THSD4: variants seen among roughly 807,000 people sequenced by gnomAD.
The protein encoded by THSD4 is thrombospondin type 1 domain containing 4.
Under a neutral mutation model 119.0 loss-of-function variants are expected in THSD4, and 69 were observed. The ratio of observed to expected loss-of-function variants is 0.58; its 90% CI spans 0.48 to 0.71. THSD4 has a LOEUF of 0.71. Ranked by LOEUF, THSD4 falls within the 30% of genes least tolerant of loss-of-function variation. THSD4 has a pLI of 0.00. For synonymous variants in THSD4, 524 were observed against 540.4 expected (o/e 0.97, Z 0.42); for missense variants, 1,393 against 1,391.1 (o/e 1.00, Z -0.02).
intron 14 of THSD4, among the ~76,000 whole-genome samples, chr15:71,757,242 G>A (rs1026466003): frequency 6.6e-5 from 10 of 152,002 alleles, no homozygotes; most frequent in African/African-American, 2.4e-4. Flanking sequence ...ATACCAAGCT[G>A]TCTCCCAATC....
intron 7 of THSD4, among the ~76,000 whole-genome samples, chr15:71,454,780 C>T (rs1176504493): frequency 6.6e-6 from 1 of 152,206 alleles, no homozygotes; most frequent in Non-Finnish European, 1.5e-5. Flanking sequence ...CTCCAAACAT[C>T]TCTCCCTGAC....
chr15:71,479,486 G>A (rs531790813), intron 7 of THSD4, among the ~76,000 whole-genome samples: 1 of 152,248 alleles, frequency 6.6e-6, no homozygotes, highest in Admixed American at 6.5e-5. Flanking sequence ...TGAAGAGTGA[G>A]AGGCAGGAAA....
At position 71,407,290 on chromosome 15, in the gene THSD4, G is replaced by A. The variant is rs561380840; in HGVS notation, c.1016-4397G>A. On this transcript the variant is annotated intron_variant, in intron 6 of 17. Transcript: ENST00000261862. Reference sequence around the variant, plus strand: ...TCCAAAGTTACCTTTTGGAGACTCCGTAATGCTGCGTAGCTTTGCTGCTTT... The same window carrying A: ...TCCAAAGTTACCTTTTGGAGACTCCATAATGCTGCGTAGCTTTGCTGCTTT... Among the ~76,000 whole-genome samples the A allele has an allele frequency of 5.9e-5, 9 of 152,252 alleles. No individual in the cohort carries two copies. In the South Asian group the frequency reaches 1.5e-3, roughly 25 times the overall value.
At chr15:71,415,872 C>T (rs1222986373) in intron 7 of THSD4, among the ~76,000 whole-genome samples, 6 of 152,204 alleles carry the variant, frequency 3.9e-5, no homozygotes, top group Non-Finnish European at 8.8e-5. Flanking sequence ...TCTTGGTTCA[C>T]TGCAGCCCCC....
chr15:71,129,791 A>G (rs935286459), intron 1 of THSD4, among the ~76,000 whole-genome samples: 1 of 152,206 alleles, frequency 6.6e-6, no homozygotes, highest in African/African-American at 2.4e-5. Context: ...GCTACAAATC[A>G]TTGACTAGAT....
chr15:71,444,180 A>C (rs1235688455), intron 7 of THSD4, among the ~76,000 whole-genome samples: 1 of 152,218 alleles, frequency 6.6e-6, no homozygotes, highest in Non-Finnish European at 1.5e-5. Context: ...ACAGGCACGC[A>C]GAGAGGTATT....
chr15:71,214,293 C>G (rs1336577995), intron 3 of THSD4, among the ~76,000 whole-genome samples: 1 of 152,224 alleles, frequency 6.6e-6, no homozygotes, highest in Non-Finnish European at 1.5e-5. Flanking sequence ...GCAGCCGCAA[C>G]TTGCTGAGGT....
At chr15:71,593,142 A>AAGAAACCCTCATG (rs1595765065) in intron 7 of THSD4, among the ~76,000 whole-genome samples, 4 of 52,846 alleles carry the variant, frequency 7.6e-5, no homozygotes, top group Admixed American at 4.1e-4. Context: ...AAGAGCCTGT[A>AAGAAACCCTCATG]GGCCGGGCGC....
At chr15:71,745,313 T>C in intron 12 of THSD4, 78 bp downstream of exon 12, 1 of 1,538,470 alleles carries the variant, frequency 6.5e-7, no homozygotes, top group Non-Finnish European at 8.8e-7. Context: ...TAGGAACAGA[T>C]ATAAGTCAGT....
chr15:71,519,648 C>T (rs1178417652), intron 7 of THSD4, among the ~76,000 whole-genome samples: 3 of 152,332 alleles, frequency 2.0e-5, no homozygotes, highest in South Asian at 2.1e-4. Context: ...AGGCATGAAC[C>T]ACTGTGCCTA....
intron 6 of THSD4, among the ~76,000 whole-genome samples, chr15:71,266,170 C>T (rs940674082): frequency 6.6e-5 from 10 of 152,230 alleles, no homozygotes; most frequent in South Asian, 2.1e-4. Context: ...CTGGGAGACA[C>T]CTCTCAGCAG....
At chr15:71,173,198 C>G (rs1036661883) in intron 3 of THSD4, among the ~76,000 whole-genome samples, 5 of 151,152 alleles carry the variant, frequency 3.3e-5, no homozygotes, top group African/African-American at 1.2e-4. Flanking sequence ...GGTCAACATG[C>G]AAAAATCAAT....
Position 71,543,723 on chromosome 15 carries a change from G to C in THSD4, c.1153-116807G>C, listed in dbSNP as rs377572473. Among the ~76,000 whole-genome samples the C allele has an allele frequency of 1.7e-3, 265 of 152,310 alleles. 17 individuals carry two copies. In the South Asian group the frequency reaches 0.054, roughly 31 times the overall value. ...TCAGGAGGGAGACCTGGCTACAGAT[G>C]GTTGTAGAGAATCACAGATGTGGGC... On this transcript the variant is annotated intron_variant, in intron 7 of 17. Coordinates refer to ENST00000261862, the MANE Select transcript of THSD4 (RefSeq NM_024817.3).
At chr15:71,741,108 C>G (rs562049298) in intron 11 of THSD4, among the ~76,000 whole-genome samples, 2 of 152,270 alleles carry the variant, frequency 1.3e-5, no homozygotes, top group Admixed American at 1.3e-4. Flanking sequence ...GATTTTACAT[C>G]TTTATTGTAT....
intron 7 of THSD4, among the ~76,000 whole-genome samples, chr15:71,464,903 C>A (rs1412731931): frequency 1.3e-5 from 2 of 152,168 alleles, no homozygotes; most frequent in Admixed American, 6.5e-5. Context: ...CTTAAGTCCT[C>A]AATTCCCTAC....
chr15:71,569,924 G>C (rs1200563542), intron 7 of THSD4, among the ~76,000 whole-genome samples: 1 of 152,178 alleles, frequency 6.6e-6, no homozygotes, highest in South Asian at 2.1e-4. Flanking sequence ...AACCCAGGAG[G>C]CAGAGGTTGC....
intron 3 of THSD4, among the ~76,000 whole-genome samples, chr15:71,161,791 T>C (rs1241834865): frequency 6.6e-6 from 1 of 151,978 alleles, no homozygotes; most frequent in Non-Finnish European, 1.5e-5. Flanking sequence ...TGTTGTTTCC[T>C]GGTTATTTTG....
At chr15:71,543,902 C>G (rs1004676868) in intron 7 of THSD4, among the ~76,000 whole-genome samples, 3 of 152,144 alleles carry the variant, frequency 2.0e-5, no homozygotes, top group Non-Finnish European at 4.4e-5. Flanking sequence ...GTGGTGCAAG[C>G]CTGTAATCCC....
chr15:71,469,326 G>A (rs1442863729), intron 7 of THSD4, among the ~76,000 whole-genome samples: 1 of 152,194 alleles, frequency 6.6e-6, no homozygotes, highest in African/African-American at 2.4e-5. Context: ...CACAGGACTG[G>A]TTTCCACACA....
Sources: allele counts gnomAD v4.1 joint callset (sites outside exome capture counted in the v4.1 genomes callset), GRCh38; gene constraint gnomAD v4.1.1; transcripts MANE v1.5; gene names NCBI Gene and HGNC (gene_info 2026-07-23, HGNC 2026-07-21).